NIPAL2: variants seen among roughly 807,000 people sequenced by gnomAD.
NIPAL2 encodes NIPA-like protein 2.
Under a neutral mutation model 48.9 loss-of-function variants are expected in NIPAL2, and 43 were observed. The observed-to-expected ratio is 0.88, with a 90% CI of 0.69 to 1.13. The LOEUF is 1.13. Ranked by LOEUF, NIPAL2 falls within the 50% of genes most tolerant of loss-of-function variation. NIPAL2 has a pLI of 0.00. For synonymous variants in NIPAL2, 167 were observed against 174.6 expected, an observed-to-expected ratio of 0.96 and a Z score of 0.34; for missense variants, 446 against 461.4, an observed-to-expected ratio of 0.97 and a Z score of 0.31.
At chr8:98,236,930 C>G (rs911735502) in intron 3 of NIPAL2, among the ~76,000 whole-genome samples, 1 of 151,252 alleles carries the variant, frequency 6.6e-6, no homozygotes, top group Non-Finnish European at 1.5e-5. Flanking sequence ...TTCCCAGCAT[C>G]TCCTCCTATA....
intron 10 of NIPAL2, among the ~76,000 whole-genome samples, chr8:98,193,756 T>C (rs1448918815): frequency 6.6e-6 from 1 of 151,580 alleles, no homozygotes; most frequent in Non-Finnish European, 1.5e-5. Flanking sequence ...TAAGCTGAGA[T>C]TGTGCCACTG....
intron 1 of NIPAL2, among the ~76,000 whole-genome samples, chr8:98,256,831 A>G (rs994508663): frequency 6.6e-6 from 1 of 152,212 alleles, no homozygotes; most frequent in African/African-American, 2.4e-5. Context: ...CAGGGATTTG[A>G]ACAGATATTT....
chr8:98,261,713 T>C (rs1224444276), intron 1 of NIPAL2, among the ~76,000 whole-genome samples: 1 of 147,606 alleles, frequency 6.8e-6, no homozygotes, highest in Non-Finnish European at 1.5e-5. Context: ...TGCAGGATAT[T>C]ATCCAGGAGA....
intron 5 of NIPAL2, among the ~76,000 whole-genome samples, chr8:98,220,108 A>G (rs1811778038): frequency 6.6e-6 from 1 of 152,156 alleles, no homozygotes; most frequent in Non-Finnish European, 1.5e-5. Context: ...TAGAAAAGGA[A>G]ACAAAGGAAA....
At chr8:98,243,346 C>A (rs1233759104) in intron 3 of NIPAL2, among the ~76,000 whole-genome samples, 1 of 152,114 alleles carries the variant, frequency 6.6e-6, no homozygotes, top group Admixed American at 6.6e-5. Context: ...ATTCAGGTTT[C>A]CAGATGAAAA....
intron 4 of NIPAL2, among the ~76,000 whole-genome samples, chr8:98,224,742 C>A (rs891736593): frequency 7.5e-6 from 1 of 133,952 alleles, no homozygotes; most frequent in Non-Finnish European, 1.6e-5. Context: ...GTTATACTTT[C>A]TTTCTTTCTT....
chr8:98,230,171 G>A (rs56760619), intron 4 of NIPAL2, among the ~76,000 whole-genome samples: 4,327 of 152,246 alleles, frequency 0.028, 225 homozygotes, highest in African/African-American at 0.098. Context: ...GCTCAGGGCT[G>A]TCACTTACAT....
chr8:98,241,886 C>T (rs1216723954), intron 3 of NIPAL2, among the ~76,000 whole-genome samples: 2 of 152,066 alleles, frequency 1.3e-5, no homozygotes, highest in Non-Finnish European at 2.9e-5. Flanking sequence ...ACTCATTTTA[C>T]AGATAAAAAA....
At chr8:98,194,586 A>G in intron 10 of NIPAL2, 142 bp downstream of exon 10, 1 of 457,602 alleles carries the variant, frequency 2.2e-6, no homozygotes, top group Non-Finnish European at 3.9e-6. Context: ...TACACTGAAA[A>G]TAGCACCTTT....
chr8:98,283,617 G>A (rs779551590), intron 1 of NIPAL2, among the ~76,000 whole-genome samples: 1 of 152,114 alleles, frequency 6.6e-6, no homozygotes, highest in Non-Finnish European at 1.5e-5. Context: ...AGGATTGCAG[G>A]CCACCTTTTG....
At chr8:98,213,379 A>G (rs1811417726) in intron 5 of NIPAL2, among the ~76,000 whole-genome samples, 1 of 152,144 alleles carries the variant, frequency 6.6e-6, no homozygotes, top group African/African-American at 2.4e-5. Flanking sequence ...TTTTTTCACC[A>G]TGTATTATAT....
chr8:98,246,572 C>G (rs895878245), intron 3 of NIPAL2, among the ~76,000 whole-genome samples: 2 of 152,154 alleles, frequency 1.3e-5, no homozygotes, highest in Non-Finnish European at 2.9e-5. Context: ...ATTTATTACT[C>G]ATTTCCATTC....
At chr8:98,198,554 T>C (rs1285055088) in intron 8 of NIPAL2, among the ~76,000 whole-genome samples, 2 of 152,264 alleles carry the variant, frequency 1.3e-5, no homozygotes, top group Admixed American at 6.5e-5. Context: ...TTTGTCTACA[T>C]TGAAAATCTG....
chr8:98,235,022 C>G (rs56215918), intron 4 of NIPAL2, among the ~76,000 whole-genome samples: 13,231 of 152,188 alleles, frequency 0.087, 639 homozygotes, highest in East Asian at 0.1. Flanking sequence ...ACTAAAAACT[C>G]TGCTAGCAGA....
chr8:98,254,885 C>T (rs182187959), intron 1 of NIPAL2, among the ~76,000 whole-genome samples: 336 of 152,358 alleles, frequency 2.2e-3, no homozygotes, highest in African/African-American at 7.8e-3. Flanking sequence ...TCCAACCAAA[C>T]CTCGCCCTCC....
chr8:98,266,700 G>T (rs2130867242), intron 1 of NIPAL2, among the ~76,000 whole-genome samples: 1 of 151,932 alleles, frequency 6.6e-6, no homozygotes, highest in East Asian at 1.9e-4. Flanking sequence ...ATTCTGAAAG[G>T]ATCAGAAATT....
intron 8 of NIPAL2, among the ~76,000 whole-genome samples, chr8:98,201,497 G>A (rs1310138098): frequency 6.6e-6 from 1 of 152,106 alleles, no homozygotes; most frequent in Non-Finnish European, 1.5e-5. Flanking sequence ...CGATCCTCCT[G>A]CCTTAGCCTC....
chr8:98,208,862 T>C (rs1223641218), intron 6 of NIPAL2, among the ~76,000 whole-genome samples: 3 of 152,188 alleles, frequency 2.0e-5, no homozygotes, highest in Non-Finnish European at 2.9e-5. Context: ...AATTCCATTT[T>C]TTATCAATCA....
intron 8 of NIPAL2, among the ~76,000 whole-genome samples, chr8:98,200,425 T>C (rs1810745993): frequency 2.0e-5 from 3 of 152,348 alleles, no homozygotes; most frequent in South Asian, 4.1e-4. Flanking sequence ...ACCATAATGT[T>C]CTCAAGGTTC....
Sources: allele counts gnomAD v4.1 joint callset (sites outside exome capture counted in the v4.1 genomes callset), GRCh38; gene constraint gnomAD v4.1.1; transcripts MANE v1.5; gene names NCBI Gene and HGNC (gene_info 2026-07-23, HGNC 2026-07-21).